Variants in NFIA observed in about 807,000 individuals in gnomAD.
The protein encoded by NFIA is nuclear factor I A, also known as nuclear factor 1 A-type.
A neutral mutation model predicts 62.8 loss-of-function variants in NFIA; 8 were observed. The ratio of observed to expected loss-of-function variants is 0.13; its 90% CI spans 0.07 to 0.23. The LOEUF (loss-of-function observed/expected upper bound fraction) is 0.23. Ranked by LOEUF, NFIA falls within the 10% of genes least tolerant of loss-of-function variation. The probability of loss-of-function intolerance (pLI) is 1.00; values close to 1 mark genes in which losing one functional copy is unlikely to be tolerated. For missense variants in NFIA, 410 were observed against 642.1 expected (o/e 0.64, Z 3.91); for synonymous variants, 235 against 238.1 (o/e 0.99, Z 0.12).
chr1:61,209,683 A>G (rs970550941), intron 2 of NFIA, among the ~76,000 whole-genome samples: 1 of 151,246 alleles, frequency 6.6e-6, no homozygotes, highest in Non-Finnish European at 1.5e-5. Context: ...AACAACAACA[A>G]CAACAACAAC....
chr1:61,159,767 T>C (rs1271817979), intron 2 of NFIA, among the ~76,000 whole-genome samples: 1 of 149,714 alleles, frequency 6.7e-6, no homozygotes, highest in Non-Finnish European at 1.5e-5. Context: ...TTGCAACCTC[T>C]GCCTCCCGGG....
chr1:61,406,916 A>C (rs903443942), intron 9 of NFIA, among the ~76,000 whole-genome samples, 189 bp downstream of exon 9: 2 of 152,176 alleles, frequency 1.3e-5, no homozygotes, highest in African/African-American at 4.8e-5. Flanking sequence ...AGATGAGGAA[A>C]ACACTGGGTG....
Position 61,327,922 on chromosome 1 carries a change from TA to T in NFIA, c.626-4589del, listed in dbSNP as rs927985215. On this transcript the variant is annotated intron_variant, in intron 3 of 10. Transcript: ENST00000403491. ...TCACCACATCCATGCCAATATCTAT[TA>T]TTTTTTTTTTACTTTTTATTAATGG... Among the ~76,000 whole-genome samples, 5 of 152,136 alleles carry T rather than the reference TA, an allele frequency of 3.3e-5. 1 individual carries two copies. Among genetic ancestry groups the T allele is most frequent in the African/African-American group, 9.6e-5 (4 of 41,502 alleles).
intron 10 of NFIA, among the ~76,000 whole-genome samples, chr1:61,427,057 T>C (rs1340811160): frequency 6.6e-6 from 1 of 152,072 alleles, no homozygotes; most frequent in East Asian, 1.9e-4. Flanking sequence ...GGTCCAGAAA[T>C]AAGACGTGTT....
chr1:61,138,831 C>T lies in NFIA; in HGVS notation c.559+50151C>T, dbSNP rs376375941. The stretch of plus-strand genomic sequence containing the variant: ...TCCTGGCCTCAAGTCGTCCGCCCAC[C>T]TCGGCCTCCCAAAGTGCTACTATTA... On this transcript the variant is annotated intron_variant, in intron 2 of 10. Coordinates refer to ENST00000403491, the MANE Select transcript of NFIA (RefSeq NM_001134673.4). Among the ~76,000 whole-genome samples the T allele has an allele frequency of 2.0e-3, 306 of 151,972 alleles. 3 individuals are homozygous for T. The South Asian group carries it at 0.023, about 12-fold the overall frequency.
chr1:61,263,079 T>G (rs1472650706), intron 2 of NFIA, among the ~76,000 whole-genome samples: 1 of 152,262 alleles, frequency 6.6e-6, no homozygotes, highest in African/African-American at 2.4e-5. Context: ...AGGATAGCAC[T>G]TCTTTTATTA....
chr1:61,349,520 T>C (rs1662433870), intron 4 of NFIA, among the ~76,000 whole-genome samples: 1 of 152,188 alleles, frequency 6.6e-6, no homozygotes, highest in Non-Finnish European at 1.5e-5. Context: ...TACTCCCCTG[T>C]TCCCATTATT....
In NFIA at chr1:61,417,006, A is replaced by G. The variant is rs17122186; in HGVS notation, c.1421-9459A>G. Reference sequence around the variant, plus strand: ...GGAAACCAAAGCAGGAAAAAGATTAAGAGATAAGCATTACAAAGAAGGAAT... The same window carrying G: ...GGAAACCAAAGCAGGAAAAAGATTAGGAGATAAGCATTACAAAGAAGGAAT... On this transcript the variant is annotated intron_variant, in intron 9 of 10. Coordinates refer to ENST00000403491, the MANE Select transcript of NFIA (RefSeq NM_001134673.4). 5.1e-3 allele frequency among the ~76,000 whole-genome samples: 771 copies of G among 152,270 alleles called. 9 individuals carry two copies. Among genetic ancestry groups the G allele is most frequent in the African/African-American group, 0.018 (733 of 41,558 alleles).
chr1:61,362,769 C>T (rs773384278), intron 6 of NFIA, among the ~76,000 whole-genome samples: 2 of 152,164 alleles, frequency 1.3e-5, no homozygotes, highest in African/African-American at 2.4e-5. Context: ...ATTTGTCTCT[C>T]GTACTTAGTT....
chr1:61,113,018 G>T (rs1646730925), intron 2 of NFIA, among the ~76,000 whole-genome samples: 1 of 152,058 alleles, frequency 6.6e-6, no homozygotes, highest in Non-Finnish European at 1.5e-5. Context: ...ATAAGATCAG[G>T]AATAAGATTG....
intron 3 of NFIA, among the ~76,000 whole-genome samples, chr1:61,304,407 T>C (rs930391312): frequency 2.0e-5 from 3 of 152,222 alleles, no homozygotes; most frequent in Non-Finnish European, 4.4e-5. Context: ...AACCTAAAAT[T>C]CCTTTGGTTA....
At chr1:61,159,176 AT>A (rs572831036) in intron 2 of NFIA, among the ~76,000 whole-genome samples, 9 of 152,096 alleles carry the variant, frequency 5.9e-5, no homozygotes, top group African/African-American at 7.2e-5. Flanking sequence ...CTAGTTTAAT[AT>A]TTTTTTTAAA....
intron 7 of NFIA, among the ~76,000 whole-genome samples, chr1:61,388,514 T>A (rs1664812688): frequency 6.6e-6 from 1 of 152,232 alleles, no homozygotes; most frequent in Non-Finnish European, 1.5e-5. Flanking sequence ...TTAGATCTTC[T>A]TGAAACTTAT....
In NFIA at chr1:61,098,273, A is replaced by G. The variant is rs192455587; in HGVS notation, c.559+9593A>G. Among the ~76,000 whole-genome samples, 436 of 152,350 alleles carry G rather than the reference A, an allele frequency of 2.9e-3. 4 individuals carry two copies. Among genetic ancestry groups the G allele is most frequent in the African/African-American group, 0.01 (420 of 41,590 alleles). ...TGAGAACATATTTTCAACATTAGAT[A>G]ATTGAGAACTAACGATAAGTGGGTT... On this transcript the variant is annotated intron_variant, in intron 2 of 10. Coordinates refer to ENST00000403491, the MANE Select transcript of NFIA (RefSeq NM_001134673.4).
At chr1:61,162,937 G>A (rs535921679) in intron 2 of NFIA, among the ~76,000 whole-genome samples, 5 of 151,794 alleles carry the variant, frequency 3.3e-5, no homozygotes, top group African/African-American at 1.2e-4. Context: ...TCATTCAAGA[G>A]AGAAGTGAAA....
At chr1:61,167,045 G>C (rs963757399) in intron 2 of NFIA, among the ~76,000 whole-genome samples, 4 of 152,178 alleles carry the variant, frequency 2.6e-5, no homozygotes, top group African/African-American at 9.7e-5. Context: ...GGAGGCTGAG[G>C]CAGGGGAATG....
intron 2 of NFIA, among the ~76,000 whole-genome samples, chr1:61,204,626 GT>G (rs1652770750): frequency 6.6e-6 from 1 of 152,072 alleles, no homozygotes; most frequent in African/African-American, 2.4e-5. Context: ...ATTTCCAGCT[GT>G]GGGTATTTGT....
intron 2 of NFIA, among the ~76,000 whole-genome samples, chr1:61,159,218 T>G (rs1403961453): frequency 6.6e-6 from 1 of 152,166 alleles, no homozygotes; most frequent in East Asian, 1.9e-4. Context: ...TTTTACCTGG[T>G]GAGAGTTAAC....
At chr1:61,142,163 T>C (rs970532254) in intron 2 of NFIA, among the ~76,000 whole-genome samples, 1 of 152,212 alleles carries the variant, frequency 6.6e-6, no homozygotes, top group African/African-American at 2.4e-5. Flanking sequence ...AATTTCCATT[T>C]AAGAAAGAAT....
Sources: allele counts gnomAD v4.1 joint callset (sites outside exome capture counted in the v4.1 genomes callset), GRCh38; gene constraint gnomAD v4.1.1; transcripts MANE v1.5; gene names NCBI Gene and HGNC (gene_info 2026-07-23, HGNC 2026-07-21).